The following ATRNL1 variants were observed in gnomAD, a reference collection of about 807,000 sequenced individuals.
ATRNL1 encodes the protein attractin like 1.
Under a neutral mutation model 182.7 loss-of-function variants are expected in ATRNL1, and 95 were observed. The ratio of observed to expected loss-of-function variants is 0.52; its 90% CI spans 0.44 to 0.62. ATRNL1 has a LOEUF of 0.62. Among genes scored for constraint, ATRNL1 ranks in the 20% least tolerant of loss-of-function variants. ATRNL1 has a pLI of 0.00. For synonymous variants in ATRNL1, 576 were observed against 568.3 expected, an observed-to-expected ratio of 1.01 and a Z score of -0.19; for missense variants, 1,471 against 1,679.5, an observed-to-expected ratio of 0.88 and a Z score of 2.17.
At chr10:115,521,985 G>T (rs1850959574) in intron 25 of ATRNL1, among the ~76,000 whole-genome samples, 1 of 152,192 alleles carries the variant, frequency 6.6e-6, no homozygotes, top group Admixed American at 6.5e-5. Context: ...GAGTGCGTCA[G>T]CTTTGCAGTT....
intron 27 of ATRNL1, among the ~76,000 whole-genome samples, chr10:115,814,623 G>T (rs1340130234): frequency 6.6e-6 from 1 of 152,088 alleles, no homozygotes; most frequent in Non-Finnish European, 1.5e-5. Context: ...TTTCCTAAGG[G>T]TTTCTTCTTA....
rs530631273 is a variant in ATRNL1 at position 115,326,777 on chromosome 10, C to G, written c.3038-7505C>G. The stretch of plus-strand genomic sequence containing the variant: ...CAGAACAGAGCCCTCAGAAATAACG[C>G]TGCACATCTACAACTATCTGATCTT... On this transcript the variant is annotated intron_variant, in intron 18 of 28. Transcript: ENST00000355044. Among the ~76,000 whole-genome samples the G allele has an allele frequency of 2.4e-3, 372 of 152,250 alleles. 1 individual carries two copies. The highest frequency in any genetic ancestry group is 0.01 in the Middle Eastern group (3 of 294).
At chr10:115,190,449 C>T (rs531233463) in intron 8 of ATRNL1, among the ~76,000 whole-genome samples, 1 of 152,110 alleles carries the variant, frequency 6.6e-6, no homozygotes, top group East Asian at 1.9e-4. Flanking sequence ...AACATTCTTT[C>T]ACTGATGGAT....
chr10:115,128,616 G>T (rs1845078988), intron 4 of ATRNL1: 1 of 159,428 alleles, frequency 6.3e-6, no homozygotes, highest in African/African-American at 2.4e-5. Context: ...CACGAGGTCA[G>T]GAGATCAAGA....
At chr10:115,840,521 A>G (rs1950782560) in intron 27 of ATRNL1, among the ~76,000 whole-genome samples, 1 of 152,088 alleles carries the variant, frequency 6.6e-6, no homozygotes, top group Admixed American at 6.6e-5. Context: ...TGAGTAAGGT[A>G]TTTTTAGCTC....
At chr10:115,588,354 T>G (rs1555010961) in intron 26 of ATRNL1, among the ~76,000 whole-genome samples, 1 of 152,154 alleles carries the variant, frequency 6.6e-6, no homozygotes, top group East Asian at 1.9e-4. Context: ...CTTAGAGTGT[T>G]GGCAGATAGA....
chr10:115,384,009 G>A (rs1441882529), intron 19 of ATRNL1, among the ~76,000 whole-genome samples: 13 of 151,904 alleles, frequency 8.6e-5, no homozygotes, highest in South Asian at 2.1e-4. Flanking sequence ...ATTATTTTGC[G>A]TTTATAAATA....
chr10:115,688,462 C>T (rs1555047037), intron 26 of ATRNL1, among the ~76,000 whole-genome samples: 1 of 152,128 alleles, frequency 6.6e-6, no homozygotes, highest in Non-Finnish European at 1.5e-5. Flanking sequence ...TCTGCATCCT[C>T]ACCAGAATCT....
intron 19 of ATRNL1, among the ~76,000 whole-genome samples, chr10:115,350,728 T>G (rs1416382386): frequency 6.6e-6 from 1 of 152,176 alleles, no homozygotes; most frequent in Non-Finnish European, 1.5e-5. Context: ...TTCTTTTTGG[T>G]CAAGATTGCT....
intron 26 of ATRNL1, among the ~76,000 whole-genome samples, chr10:115,585,402 C>T (rs1212260689): frequency 8.3e-6 from 1 of 120,716 alleles, no homozygotes; most frequent in Non-Finnish European, 1.8e-5. Context: ...TTGTAGGTCA[C>T]TCAGGACTTG....
intron 28 of ATRNL1, among the ~76,000 whole-genome samples, chr10:115,861,611 C>G (rs1555103475): frequency 6.6e-6 from 1 of 152,170 alleles, no homozygotes; most frequent in Non-Finnish European, 1.5e-5. Flanking sequence ...ACTAACTAGG[C>G]CTGTTGTCTC....
intron 21 of ATRNL1, among the ~76,000 whole-genome samples, chr10:115,427,508 A>G (rs1399638848): frequency 6.6e-6 from 1 of 152,106 alleles, no homozygotes; most frequent in African/African-American, 2.4e-5. Context: ...TCTTAGCCTA[A>G]CAGGTCACTG....
intron 26 of ATRNL1, among the ~76,000 whole-genome samples, chr10:115,664,745 A>T (rs945088663): frequency 1.4e-4 from 21 of 151,842 alleles, no homozygotes; most frequent in Non-Finnish European, 1.5e-5. Context: ...AAAAATCAAT[A>T]TTTTTTTTCT....
intron 20 of ATRNL1, among the ~76,000 whole-genome samples, chr10:115,421,475 G>T (rs187732740): frequency 5.3e-5 from 8 of 152,118 alleles, no homozygotes; most frequent in Admixed American, 3.9e-4. Flanking sequence ...GCTAAAAAAA[G>T]AATTTGATAA....
chr10:115,881,211 G>A (rs1308152669), intron 28 of ATRNL1, among the ~76,000 whole-genome samples: 1 of 152,176 alleles, frequency 6.6e-6, no homozygotes, highest in African/African-American at 2.4e-5. Context: ...AGCTATACAT[G>A]GGAGTACCGT....
intron 22 of ATRNL1, among the ~76,000 whole-genome samples, chr10:115,462,428 G>A (rs1364745154): frequency 1.3e-5 from 2 of 151,854 alleles, no homozygotes; most frequent in Non-Finnish European, 2.9e-5. Context: ...CCTGGCCAAT[G>A]TGGTGAATCC....
chr10:115,903,879 C>T (rs1254619642), intron 28 of ATRNL1, among the ~76,000 whole-genome samples: 1 of 152,086 alleles, frequency 6.6e-6, no homozygotes, highest in Non-Finnish European at 1.5e-5. Context: ...TTTTAAAAAT[C>T]CTTTCATTCC....
intron 19 of ATRNL1, among the ~76,000 whole-genome samples, chr10:115,362,961 A>C (rs1273768091): frequency 2.0e-5 from 3 of 152,136 alleles, no homozygotes; most frequent in Non-Finnish European, 4.4e-5. Flanking sequence ...TGCTATTGTG[A>C]ATAGTGCTGC....
chr10:115,339,606 G>A (rs1407565679), intron 19 of ATRNL1, among the ~76,000 whole-genome samples: 1 of 152,068 alleles, frequency 6.6e-6, no homozygotes, highest in African/African-American at 2.4e-5. Flanking sequence ...TTTTTATGGA[G>A]TCTTTAGGTT....
Sources: allele counts gnomAD v4.1 joint callset (sites outside exome capture counted in the v4.1 genomes callset), GRCh38; gene constraint gnomAD v4.1.1; transcripts MANE v1.5; gene names NCBI Gene and HGNC (gene_info 2026-07-23, HGNC 2026-07-21).